The following CACNA1C variants were observed in gnomAD, a reference collection of about 807,000 sequenced individuals.
The protein encoded by CACNA1C is voltage-dependent L-type calcium channel subunit alpha-1C.
Under a neutral mutation model 229.0 loss-of-function variants are expected in CACNA1C, and 30 were observed. That is an observed-to-expected ratio of 0.13 (90% CI 0.10 to 0.18). The LOEUF (loss-of-function observed/expected upper bound fraction) is 0.18, where lower values mean the gene tolerates loss of function less well. Ranked by LOEUF, CACNA1C falls within the 10% of genes least tolerant of loss-of-function variation. The pLI is 1.00. For missense variants in CACNA1C, 1,658 were observed against 2,845.0 expected (o/e 0.58, Z 9.49); for synonymous variants, 1,114 against 1,132.5 (o/e 0.98, Z 0.33).
At chr12:2,334,989 A>G (rs1193087945) in intron 3 of CACNA1C, among the ~76,000 whole-genome samples, 1 of 152,102 alleles carries the variant, frequency 6.6e-6, no homozygotes, top group Admixed American at 6.5e-5. Flanking sequence ...GACCTATCCA[A>G]TGGCCCCAGG....
intron 42 of CACNA1C, among the ~76,000 whole-genome samples, chr12:2,680,835 G>A (rs2097109950): frequency 6.6e-6 from 1 of 152,364 alleles, no homozygotes; most frequent in South Asian, 2.1e-4. Flanking sequence ...TAGCCACCCA[G>A]AAGCAGCACT....
chr12:2,549,377 T>G (rs2099891731), intron 9 of CACNA1C, among the ~76,000 whole-genome samples: 3 of 152,152 alleles, frequency 2.0e-5, no homozygotes, highest in Admixed American at 6.5e-5. Context: ...GCCATTCCCC[T>G]CAAGCCCTCT....
chr12:2,682,988 T>C (rs1458146717), intron 43 of CACNA1C, among the ~76,000 whole-genome samples: 1 of 50,674 alleles, frequency 2.0e-5, no homozygotes, highest in Non-Finnish European at 4.3e-5. Context: ...CATTGTAGGC[T>C]GTAAGACACA....
At chr12:2,288,437 C>T (rs2093025592) in intron 3 of CACNA1C, among the ~76,000 whole-genome samples, 1 of 152,166 alleles carries the variant, frequency 6.6e-6, no homozygotes, top group Non-Finnish European at 1.5e-5. Context: ...TGATTGCACC[C>T]CAGAAGTGCT....
chr12:2,589,838 G>A (rs912198779), intron 18 of CACNA1C, among the ~76,000 whole-genome samples: 5 of 152,196 alleles, frequency 3.3e-5, no homozygotes, highest in Non-Finnish European at 7.3e-5. Flanking sequence ...TCAGGCTTGG[G>A]GTACATTTTG....
At chr12:2,393,896 A>G (rs2098529021) in intron 3 of CACNA1C, among the ~76,000 whole-genome samples, 1 of 152,128 alleles carries the variant, frequency 6.6e-6, no homozygotes. Flanking sequence ...ATGGGAGGCT[A>G]GGAGTTCAAG....
intron 5 of CACNA1C, among the ~76,000 whole-genome samples, chr12:2,477,177 T>A (rs1217229612): frequency 2.6e-5 from 4 of 152,200 alleles, no homozygotes; most frequent in Admixed American, 2.6e-4. Flanking sequence ...GCAACATGAT[T>A]CATGGAGATC....
chr12:2,602,107 T>A lies in CACNA1C; in HGVS notation c.2960+147T>A. On this transcript the variant is annotated intron_variant, in intron 22 of 46. Coordinates refer to ENST00000399655, the MANE Select transcript of CACNA1C (RefSeq NM_000719.7). The surrounding 1 kb of genome is among the most constrained non-coding windows in gnomAD (Gnocchi z 4.4). ...GCCTCCAAAGCTGTGCATGGTGGCT[T>A]TGGGTTCTTGGTTCTGTGTCCTCAG... is the stretch of plus-strand genomic sequence containing the variant. The A allele has an allele frequency of 1.6e-6, 1 of 634,590 alleles. No homozygotes were observed. The highest frequency in any genetic ancestry group is 2.9e-6 in the Non-Finnish European group (1 of 349,206). 39.3% of individuals were successfully genotyped at this position (634,590 alleles called of 1,614,324 possible).
At chr12:2,391,280 T>C (rs1343338214) in intron 3 of CACNA1C, among the ~76,000 whole-genome samples, 1 of 152,076 alleles carries the variant, frequency 6.6e-6, no homozygotes, top group Non-Finnish European at 1.5e-5. Context: ...TATCTATGGG[T>C]CTGGGGCTCG....
chr12:2,116,465 G>A (rs1007394823), intron 2 of CACNA1C, among the ~76,000 whole-genome samples: 3 of 151,290 alleles, frequency 2.0e-5, no homozygotes, highest in African/African-American at 7.3e-5. Flanking sequence ...TCCTGGGTTC[G>A]CACCATTGTC....
Position 2,567,813 on chromosome 12 carries a change from C to T in CACNA1C, c.1895+19C>T, listed in dbSNP as rs764015735. ...TCACGAGGTACTGGGCTCCCCCTCT[C>T]ACTTTGAAGAGGGGACTCAGGAAGA... On this transcript the variant is annotated intron_variant, in intron 13 of 46. Coordinates refer to ENST00000399655, the MANE Select transcript of CACNA1C (RefSeq NM_000719.7). The T allele has an allele frequency of 1.3e-6, 2 of 1,482,986 alleles. No homozygotes were observed. The highest frequency in any genetic ancestry group is 1.9e-6 in the Non-Finnish European group (2 of 1,065,850). The allele number at this position is 1,482,986 out of a possible 1,614,324, so 91.9% of individuals were successfully genotyped here.
In CACNA1C at chr12:2,639,267, T is replaced by A. The variant is rs2093343739; in HGVS notation, c.3912+4887T>A. On this transcript the variant is annotated intron_variant, in intron 30 of 46. Coordinates refer to ENST00000399655, the MANE Select transcript of CACNA1C (RefSeq NM_000719.7). This position sits in a 1 kb window ranked among gnomAD's most constrained non-coding sequence, Gnocchi z 4.2. ...GCTGCTCTAGGGAAGCCTCTTGCTC[T>A]TCCTCAGTGCTTGGGTCTGAAATCA... 6.6e-6 allele frequency among the ~76,000 whole-genome samples: 1 copy of A among 152,214 alleles called. No homozygotes were observed. Among genetic ancestry groups the A allele is most frequent in the African/African-American group, 2.4e-5 (1 of 41,456 alleles).
Position 2,582,829 on chromosome 12 carries a change from C to T in CACNA1C, c.2111C>T (p.Thr704Ile). 1.2e-6 allele frequency: 2 copies of T among 1,613,456 alleles called. No homozygotes were observed. The highest frequency in any genetic ancestry group is 1.7e-6 in the Non-Finnish European group (2 of 1,179,698). Residue 704 changes from threonine to isoleucine, a missense_variant, in exon 15 of 47, where the codon ACC (threonine) becomes ATC (isoleucine). Thr to Ile is a moderately conservative substitution (Grantham distance 89). Transcript: ENST00000399655. The stretch of plus-strand genomic sequence containing the variant: ...TGGGAATGTGTCATTCAGATCCTGA[C>T]CGGGGAGGACTGGAATTCGGTGATG... ...QSLLTVFQIL[T>I]GEDWNSVMYD... is the part of the protein sequence containing the mutation.
At chr12:2,482,228 G>C (rs2099678701) in intron 5 of CACNA1C, among the ~76,000 whole-genome samples, 1 of 152,240 alleles carries the variant, frequency 6.6e-6, no homozygotes, top group African/African-American at 2.4e-5. Flanking sequence ...GAAACATCTG[G>C]GCTCTCCTGG....
rs2071109365 is a variant in CACNA1C at position 2,242,772 on chromosome 12, G to A, written c.477+122342G>A. ...CCTCAGTTTCCTTGTTTGTAAATGA[G>A]AGCAATAATATTTGGCTTGTCCAAT... On this transcript the variant is annotated intron_variant, in intron 3 of 46. Coordinates refer to ENST00000399655, the MANE Select transcript of CACNA1C (RefSeq NM_000719.7). Among the ~76,000 whole-genome samples the A allele has an allele frequency of 3.9e-5, 6 of 152,344 alleles. 1 individual carries two copies. In the South Asian group the frequency reaches 1.2e-3, roughly 32 times the overall value.
At position 2,043,926 on chromosome 12, in the gene CACNA1C, A is replaced by G. The variant is rs527253858; in HGVS notation, c.140-71298A>G. On this transcript the variant is annotated intron_variant, in intron 1 of 46. Coordinates refer to the CACNA1C transcript ENST00000682462. Reference sequence around the variant, plus strand: ...CGCCTCGGCCTCCCAAAGTGCTGGGATTACAGGCGTGAGCCACCGCGCCCG... The same window carrying G: ...CGCCTCGGCCTCCCAAAGTGCTGGGGTTACAGGCGTGAGCCACCGCGCCCG... 2.5e-4 allele frequency among the ~76,000 whole-genome samples: 38 copies of G among 152,076 alleles called. 2 individuals are homozygous for G. In the South Asian group the frequency reaches 7.9e-3, roughly 32 times the overall value.
At chr12:1,998,007 G>T in intron 1 of CACNA1C, 1 of 1,582,396 alleles carries the variant, frequency 6.3e-7, no homozygotes, top group Non-Finnish European at 8.6e-7. Flanking sequence ...CACAAGACAT[G>T]TATGTTCTCT....
chr12:2,639,309 T>C lies in CACNA1C; in HGVS notation c.3912+4929T>C. On this transcript the variant is annotated intron_variant, in intron 30 of 46. Transcript: ENST00000399655. The surrounding 1 kb of genome is among the most constrained non-coding windows in gnomAD (Gnocchi z 4.2). ...CTGAAATCATATTTTCCTGTGATTG[T>C]TCGTGAAAGTTACTACAGCACCAGA... 6.6e-6 allele frequency among the ~76,000 whole-genome samples: 1 copy of C among 152,244 alleles called. No homozygotes were observed. The highest frequency in any genetic ancestry group is 6.5e-5 in the Admixed American group (1 of 15,292).
chr12:2,020,007 C>G (rs887345988), intron 1 of CACNA1C: 5 of 152,170 alleles, frequency 3.3e-5, no homozygotes, highest in African/African-American at 1.2e-4. Context: ...TTTCAGAGAA[C>G]TTTTTCTCTC....
Sources: gnomAD v4.1 joint callset for allele counts (sites outside exome capture counted in the v4.1 genomes callset) on GRCh38, gnomAD v4.1.1 for gene constraint, Gnocchi (gnomAD v3.1) non-coding constraint, MANE v1.5 for transcripts, NCBI Gene and HGNC (gene_info 2026-07-23, HGNC 2026-07-21) for gene names.